POPDC3: variants seen among roughly 807,000 people sequenced by gnomAD.
The protein encoded by POPDC3 is popeye domain cAMP effector 3.
A neutral mutation model predicts 28.2 loss-of-function variants in POPDC3; 20 were observed. The ratio of observed to expected loss-of-function variants is 0.71; its 90% CI spans 0.50 to 1.03. The LOEUF is 1.03. Among genes scored for constraint, POPDC3 ranks in the 50% least tolerant of loss-of-function variants. The probability of loss-of-function intolerance (pLI) is 0.00; values close to 1 mark genes in which losing one functional copy is unlikely to be tolerated. For synonymous variants in POPDC3, 118 were observed against 124.1 expected (o/e 0.95, Z 0.33); for missense variants, 316 against 345.9 (o/e 0.91, Z 0.69).
At chr6:105,165,167 G>A (rs766451030) in intron 1 of POPDC3, among the ~76,000 whole-genome samples, 2 of 152,206 alleles carry the variant, frequency 1.3e-5, no homozygotes, top group African/African-American at 2.4e-5. Context: ...CCAACATTCA[G>A]TGCCAGCTCT....
intron 2 of POPDC3, chr6:105,160,025 A>G: frequency 2.7e-6 from 1 of 368,534 alleles, no homozygotes; most frequent in Non-Finnish European, 4.9e-6. Flanking sequence ...TTATACAGTC[A>G]GGATTCTGGA....
rs936036418 is a variant in POPDC3, at chr6:105,158,679, G to A, written c.667C>T (p.Gln223Ter). 1 of 1,614,088 alleles carries A rather than the reference G, an allele frequency of 6.2e-7. No homozygotes were observed. Among genetic ancestry groups the A allele is most frequent in the Non-Finnish European group, 8.5e-7 (1 of 1,179,962 alleles). ...RRKKLYLLFA[Q>*]HRYISRLFSV... ...AAAAGGCGGGAGATGTAGCGATGCT[G>A]AGCAAAGAGCAGATATAATTTCTTT... Residue 223 changes from glutamine (Q) to a stop codon, truncating the protein, a stop_gained, in exon 4 of 4, where the codon CAG becomes TAG. Transcript: ENST00000254765. LOFTEE classifies it high-confidence loss of function.
intron 1 of POPDC3, chr6:105,168,750 A>G (rs546400497): frequency 6.6e-6 from 1 of 152,354 alleles, no homozygotes; most frequent in African/African-American, 2.4e-5. Context: ...ACTCCATCAT[A>G]GGACTGGAGA....
intron 1 of POPDC3, chr6:105,178,611 G>T: frequency 8.6e-6 from 3 of 350,210 alleles, no homozygotes; most frequent in Non-Finnish European, 1.2e-5. Flanking sequence ...CACACACACA[G>T]ATTTTTCAGG....
rs1281005363 is a variant in POPDC3, at chr6:105,162,169, G to A, written c.-251-9C>T. The A allele has an allele frequency of 1.7e-6, 2 of 1,211,264 alleles. No individual in the cohort carries two copies. Among genetic ancestry groups the A allele is most frequent in the East Asian group, 3.5e-5 (1 of 28,356 alleles). The allele number at this position is 1,211,264 out of a possible 1,614,324, so 75.0% of individuals were successfully genotyped here. A position where few individuals can be genotyped will look rare whatever the true frequency, so the allele number is the denominator to read the frequency against. On this transcript the variant is annotated splice_polypyrimidine_tract_variant and intron_variant, in intron 1 of 3. Transcript: ENST00000254765. ...AAATATTTTGGTATTTCCTATGCAA[G>A]AGAAAAAAAGATAAAGGATCTAATT... is the stretch of plus-strand genomic sequence containing the variant.
chr6:105,162,674 G>A (rs1691664183), intron 1 of POPDC3, among the ~76,000 whole-genome samples: 1 of 152,238 alleles, frequency 6.6e-6, no homozygotes, highest in African/African-American at 2.4e-5. Context: ...AGGCTTCAGT[G>A]AGCCGAGATC....
At chr6:105,169,961 TTTTC>T (rs1444370093) in intron 1 of POPDC3, 21 of 152,350 alleles carry the variant, frequency 1.4e-4, no homozygotes, top group African/African-American at 5.0e-4. Flanking sequence ...AACATTCTTA[TTTTC>T]TTTCTTCAGT....
Position 105,161,553 on chromosome 6 carries a change from CA to C in POPDC3, c.356del (p.Leu119ArgfsTer13). On this transcript the variant is annotated frameshift_variant, in exon 2 of 4. Transcript: ENST00000254765. LOFTEE classifies it high-confidence loss of function. The stretch of plus-strand genomic sequence containing the variant: ...TTCTGAAGACAGGCAAAGAGATCCC[CA>C]GGGGCTGGAAAAGGGAGCTGTACAA... ...QVLYSSLFQP[L>X]GISLPVFRTI... 1 of 1,614,172 alleles carries C rather than the reference CA, an allele frequency of 6.2e-7. No individual in the cohort carries two copies. The highest frequency in any genetic ancestry group is 8.5e-7 in the Non-Finnish European group (1 of 1,180,032).
intron 1 of POPDC3, among the ~76,000 whole-genome samples, chr6:105,163,422 C>T (rs559969882): frequency 6.6e-6 from 1 of 152,186 alleles, no homozygotes; most frequent in East Asian, 1.9e-4. Flanking sequence ...CATTTGCCAC[C>T]CAGTTTCCTA....
At position 105,161,568 on chromosome 6, in the gene POPDC3, G is replaced by A. The variant is rs540870002; in HGVS notation, c.342C>T (p.Ser114=). 1 of 1,614,146 alleles carries A rather than the reference G, an allele frequency of 6.2e-7. No homozygotes were observed. Among genetic ancestry groups the A allele is most frequent in the Admixed American group, 1.7e-5 (1 of 60,010 alleles). Residue 114 remains serine, a synonymous_variant, in exon 2 of 4, where the codon TCC becomes TCT. Coordinates refer to ENST00000254765, the MANE Select transcript of POPDC3 (RefSeq NM_022361.5). ...AAGAGATCCCCAGGGGCTGGAAAAG[G>A]GAGCTGTACAACACTTGGAATTCTC... ...FAREFQVLYS[S]LFQPLGISLP... is the part of the protein sequence containing the mutation.
chr6:105,164,327 A>T (rs1267757821), intron 1 of POPDC3, among the ~76,000 whole-genome samples: 1 of 152,196 alleles, frequency 6.6e-6, no homozygotes, highest in African/African-American at 2.4e-5. Flanking sequence ...GATTTGTAGG[A>T]TATATTGGGG....
chr6:105,178,992 G>A, intron 1 of POPDC3: 1 of 985,364 alleles, frequency 1.0e-6, no homozygotes, highest in African/African-American at 1.7e-5. Flanking sequence ...ATCAAATTGC[G>A]TCCAAAAGTG....
At chr6:105,165,732 G>A (rs1470260883) in intron 1 of POPDC3, among the ~76,000 whole-genome samples, 1 of 152,118 alleles carries the variant, frequency 6.6e-6, no homozygotes, top group Admixed American at 6.5e-5. Context: ...ACAGTTTATT[G>A]CTTTGATTAA....
At chr6:105,169,823 C>G (rs962460475) in intron 1 of POPDC3, 1 of 152,204 alleles carries the variant, frequency 6.6e-6, no homozygotes, top group South Asian at 2.1e-4. Flanking sequence ...TAGGGAAACA[C>G]GAAGATATAG....
At chr6:105,164,330 T>C (rs764792522) in intron 1 of POPDC3, among the ~76,000 whole-genome samples, 14 of 152,216 alleles carry the variant, frequency 9.2e-5, no homozygotes, top group Non-Finnish European at 1.6e-4. Flanking sequence ...TTGTAGGATA[T>C]ATTGGGGCTT....
rs549231924 is a variant in POPDC3 at position 105,164,221 on chromosome 6, G to A, written c.-251-2061C>T. Among the ~76,000 whole-genome samples the A allele has an allele frequency of 1.3e-4, 20 of 152,298 alleles. No homozygotes were observed. In the South Asian group the frequency reaches 3.5e-3, roughly 27 times the overall value. ...TCCTTAAAAATTTATAATCCTCAGC[G>A]AAATGTTAAAATGATGCTAATAGAG... On this transcript the variant is annotated intron_variant, in intron 1 of 3. Transcript: ENST00000254765.
chr6:105,162,858 T>TCCTCCATGGC (rs1247778623), intron 1 of POPDC3, among the ~76,000 whole-genome samples: 1 of 152,206 alleles, frequency 6.6e-6, no homozygotes, highest in Non-Finnish European at 1.5e-5. Context: ...TAATCCATGG[T>TCCTCCATGGC]CCTCCATGGC....
At chr6:105,173,972 C>A (rs1774632578) in intron 1 of POPDC3, among the ~76,000 whole-genome samples, 1 of 152,128 alleles carries the variant, frequency 6.6e-6, no homozygotes, top group African/African-American at 2.4e-5. Flanking sequence ...AGGATATAGC[C>A]TGAATTACTA....
At position 105,179,996 on chromosome 6, in the gene POPDC3, T is replaced by C. The variant is rs1365044018; in HGVS notation, c.-415A>G. Reference sequence around the variant, plus strand: ...CGGGCGCAGCGTGACCGCAGCGGGCTCCGGAGCGGCGCGGCGGCGCGGGCG... The same window carrying C: ...CGGGCGCAGCGTGACCGCAGCGGGCCCCGGAGCGGCGCGGCGGCGCGGGCG... On this transcript the variant is annotated 5_prime_UTR_variant, in exon 1 of 4. Coordinates refer to ENST00000254765, the MANE Select transcript of POPDC3 (RefSeq NM_022361.5). The C allele has an allele frequency of 1.4e-5, 2 of 145,322 alleles. No homozygotes were observed. Among genetic ancestry groups the C allele is most frequent in the Non-Finnish European group, 3.0e-5 (2 of 65,706 alleles). The allele number at this position is 145,322 out of a possible 1,614,324, so 9.0% of individuals were successfully genotyped here. A position where few individuals can be genotyped will look rare whatever the true frequency, so the allele number is the denominator to read the frequency against.
Sources: gnomAD v4.1 joint callset for allele counts (sites outside exome capture counted in the v4.1 genomes callset) on GRCh38, gnomAD v4.1.1 for gene constraint, MANE v1.5 for transcripts, NCBI Gene and HGNC (gene_info 2026-07-23, HGNC 2026-07-21) for gene names.